Variants in FAM241A observed in about 807,000 individuals in gnomAD.
The protein encoded by FAM241A is family with sequence similarity 241 member A.
Under a neutral mutation model 12.2 loss-of-function variants are expected in FAM241A, and 7 were observed. The observed-to-expected ratio is 0.58, with a 90% CI of 0.33 to 1.08. The LOEUF (loss-of-function observed/expected upper bound fraction) is 1.08, where lower values mean the gene tolerates loss of function less well. FAM241A is among the 50% of genes least tolerant of loss of function. The pLI is 0.04. For missense variants in FAM241A, 161 were observed against 169.7 expected (o/e 0.95, Z 0.29); for synonymous variants, 74 against 68.2 (o/e 1.08, Z -0.42).
rs1380193353 is a variant in FAM241A, at chr4:112,145,646, G to C, written c.66G>C (p.Ala22=). The change falls in exon 1 of 2, where the codon GCG becomes GCC. Residue 22 remains alanine (A), a synonymous_variant. Coordinates refer to ENST00000309733, the MANE Select transcript of FAM241A (RefSeq NM_152400.3). ...GGGAACGCGACGAGGACGGGGACGC[G>C]CTGGCGGAGCGGGAGGCGGCAGGGA... ...DGGERDEDGD[A]LAEREAAGTG... The C allele has an allele frequency of 8.2e-7, 1 of 1,220,246 alleles. No individual in the cohort carries two copies. The highest frequency in any genetic ancestry group is 1.0e-6 in the Non-Finnish European group (1 of 980,136). The allele number at this position is 1,220,246 out of a possible 1,614,324, so 75.6% of individuals were successfully genotyped here. A position where few individuals can be genotyped will look rare whatever the true frequency, so the allele number is the denominator to read the frequency against.
At position 112,187,013 on chromosome 4, in the gene FAM241A, G is replaced by C; in HGVS notation, c.*75G>C. Reference sequence around the variant, plus strand: ...GAAGAAGTTATATATTTCACTTTTTGACAACCGAAAAAGTTTGCCTTGTTT... The same window carrying C: ...GAAGAAGTTATATATTTCACTTTTTCACAACCGAAAAAGTTTGCCTTGTTT... On this transcript the variant is annotated 3_prime_UTR_variant, in exon 2 of 2. Transcript: ENST00000309733. 7 of 1,513,556 alleles carry C rather than the reference G, an allele frequency of 4.6e-6. No homozygotes were observed. Among genetic ancestry groups the C allele is most frequent in the Non-Finnish European group, 6.2e-6 (7 of 1,127,190 alleles). The allele number at this position is 1,513,556 out of a possible 1,614,324, so 93.8% of individuals were successfully genotyped here.
intron 1 of FAM241A, among the ~76,000 whole-genome samples, chr4:112,147,026 TG>T (rs1272291563): frequency 2.0e-5 from 3 of 151,862 alleles, no homozygotes. Context: ...CCTTTGGGGG[TG>T]GGGAGGGGTT....
At chr4:112,174,032 G>GT (rs1719329909) in intron 1 of FAM241A, among the ~76,000 whole-genome samples, 1 of 152,242 alleles carries the variant, frequency 6.6e-6, no homozygotes, top group African/African-American at 2.4e-5. Context: ...TCAGGCTGCA[G>GT]TTTCACCCTG....
chr4:112,149,347 G>A (rs1377385988), intron 1 of FAM241A, among the ~76,000 whole-genome samples: 2 of 152,060 alleles, frequency 1.3e-5, no homozygotes, highest in Non-Finnish European at 2.9e-5. Flanking sequence ...ATATAATTTT[G>A]TGTCTTCTTT....
At chr4:112,167,398 T>G (rs1426379792) in intron 1 of FAM241A, among the ~76,000 whole-genome samples, 2 of 152,184 alleles carry the variant, frequency 1.3e-5, no homozygotes, top group Non-Finnish European at 2.9e-5. Context: ...AGTAGGCTTC[T>G]GGCTTGCACT....
intron 1 of FAM241A, among the ~76,000 whole-genome samples, chr4:112,175,867 A>G (rs1157997224): frequency 1.3e-5 from 2 of 152,216 alleles, no homozygotes; most frequent in Non-Finnish European, 2.9e-5. Flanking sequence ...CAGGTAAAGT[A>G]TGGTTTCCCC....
chr4:112,167,007 G>C (rs188009441), intron 1 of FAM241A, among the ~76,000 whole-genome samples: 1 of 62,218 alleles, frequency 1.6e-5, no homozygotes, highest in Admixed American at 1.7e-4. Context: ...CCAGCTACTT[G>C]GGAGGCTGAG....
chr4:112,178,126 A>C lies in FAM241A; in HGVS notation c.154-8567A>C, dbSNP rs544549946. ...TCAAAGCTAGTGACAGAAAATAGAT[A>C]TATAAAGAAATAATTTTATAGCAAA... On this transcript the variant is annotated intron_variant, in intron 1 of 1. Transcript: ENST00000309733. 3.3e-5 allele frequency among the ~76,000 whole-genome samples: 5 copies of C among 152,318 alleles called. No individual in the cohort carries two copies. The East Asian group carries it at 9.6e-4, about 29-fold the overall frequency.
At chr4:112,151,510 T>C (rs1189447099) in intron 1 of FAM241A, among the ~76,000 whole-genome samples, 3 of 152,230 alleles carry the variant, frequency 2.0e-5, no homozygotes, top group Admixed American at 6.5e-5. Context: ...TCATCTCTTA[T>C]TAAATGCAGA....
chr4:112,167,368 T>A (rs937342442), intron 1 of FAM241A, among the ~76,000 whole-genome samples: 1 of 152,110 alleles, frequency 6.6e-6, no homozygotes, highest in Non-Finnish European at 1.5e-5. Flanking sequence ...AAAAGGGAGA[T>A]GAAGACACCT....
intron 1 of FAM241A, among the ~76,000 whole-genome samples, chr4:112,156,709 GT>G (rs1723360134): frequency 6.6e-6 from 1 of 152,210 alleles, no homozygotes; most frequent in African/African-American, 2.4e-5. Flanking sequence ...CTTGGACTTT[GT>G]GTATAACAGG....
intron 1 of FAM241A, among the ~76,000 whole-genome samples, chr4:112,177,465 T>C (rs1490272967): frequency 6.6e-6 from 1 of 152,140 alleles, no homozygotes; most frequent in Non-Finnish European, 1.5e-5. Flanking sequence ...GTTCACATCA[T>C]AGATCTTTCA....
intron 1 of FAM241A, among the ~76,000 whole-genome samples, chr4:112,179,831 A>G (rs1267157304): frequency 1.3e-5 from 2 of 148,470 alleles, no homozygotes; most frequent in African/African-American, 4.9e-5. Context: ...ATGCTCTCAT[A>G]TGTTCATCAT....
At chr4:112,186,390 A>G (rs572916569) in intron 1 of FAM241A, among the ~76,000 whole-genome samples, 1 of 152,320 alleles carries the variant, frequency 6.6e-6, no homozygotes, top group Admixed American at 6.5e-5. Flanking sequence ...GAACCGTCTA[A>G]AAAGAATCTT....
At chr4:112,160,796 A>G (rs1006131246) in intron 1 of FAM241A, among the ~76,000 whole-genome samples, 2 of 152,194 alleles carry the variant, frequency 1.3e-5, no homozygotes, top group Non-Finnish European at 2.9e-5. Context: ...CCAAGAATAT[A>G]CACTAGGGAA....
chr4:112,150,643 TG>T (rs988555586), intron 1 of FAM241A, among the ~76,000 whole-genome samples: 1 of 151,034 alleles, frequency 6.6e-6, no homozygotes, highest in Non-Finnish European at 1.5e-5. Flanking sequence ...GAAAACAAAA[TG>T]GGGGGTTCAG....
At chr4:112,183,288 T>TA (rs1000628801) in intron 1 of FAM241A, among the ~76,000 whole-genome samples, 6 of 151,036 alleles carry the variant, frequency 4.0e-5, no homozygotes, top group Admixed American at 6.6e-5. Context: ...TTTTTATAAT[T>TA]AAAAAAAAAG....
chr4:112,186,919 T>C lies in FAM241A; in HGVS notation c.380T>C (p.Ile127Thr). Reference protein sequence around the residue: ...LGLVAVLCLVIIYVQQ With the variant: ...LGLVAVLCLVTIYVQQ ...CTAGTTGCTGTTCTTTGCCTTGTTA[T>C]TATTTATGTGCAACAGTAAAACATG... The change falls in exon 2 of 2, where the codon ATT (isoleucine) becomes ACT (threonine). Residue 127 changes from isoleucine to threonine, a missense_variant. Ile to Thr is a moderately conservative substitution (Grantham distance 89). Transcript: ENST00000309733. 6.2e-7 allele frequency: 1 copy of C among 1,613,734 alleles called. No individual in the cohort carries two copies. The highest frequency in any genetic ancestry group is 8.5e-7 in the Non-Finnish European group (1 of 1,179,758).
intron 1 of FAM241A, among the ~76,000 whole-genome samples, chr4:112,167,758 C>T (rs917324582): frequency 8.5e-5 from 13 of 152,196 alleles, no homozygotes; most frequent in East Asian, 3.8e-4. Context: ...CCCCACAGCA[C>T]TTAACCTTAC....
Sources: gnomAD v4.1 joint callset for allele counts (sites outside exome capture counted in the v4.1 genomes callset) on GRCh38, gnomAD v4.1.1 for gene constraint, MANE v1.5 for transcripts, NCBI Gene and HGNC (gene_info 2026-07-23, HGNC 2026-07-21) for gene names.